SLMAP: variants seen among roughly 807,000 people sequenced by gnomAD.
SLMAP encodes sarcolemmal membrane-associated protein.
Under a neutral mutation model 128.8 loss-of-function variants are expected in SLMAP, and 44 were observed. The ratio of observed to expected loss-of-function variants is 0.34; its 90% CI spans 0.27 to 0.44. SLMAP has a LOEUF of 0.44. Among genes scored for constraint, SLMAP ranks in the 20% least tolerant of loss-of-function variants. The pLI, the probability that SLMAP is intolerant of heterozygous loss-of-function variation, is 1.00. For missense variants in SLMAP, 787 were observed against 985.3 expected, an observed-to-expected ratio of 0.80 and a Z score of 2.69; for synonymous variants, 327 against 348.8, an observed-to-expected ratio of 0.94 and a Z score of 0.70.
At chr3:57,837,974 T>C (rs1007681747) in intron 3 of SLMAP, among the ~76,000 whole-genome samples, 11 of 152,224 alleles carry the variant, frequency 7.2e-5, no homozygotes, top group African/African-American at 2.7e-4. Context: ...TGCCTTCAAC[T>C]GTGCAGCAAC....
chr3:57,923,338 C>G (rs1463042333), intron 23 of SLMAP, among the ~76,000 whole-genome samples: 2 of 152,216 alleles, frequency 1.3e-5, no homozygotes, highest in African/African-American at 2.4e-5. Context: ...TCATCTGGCT[C>G]TTGTTTCTCC....
At chr3:57,771,177 C>CCCTCT (rs1178682749) in intron 2 of SLMAP, among the ~76,000 whole-genome samples, 1,682 of 88,010 alleles carry the variant, frequency 0.019, 47 homozygotes, top group African/African-American at 0.047. Context: ...CCCTCCCCTC[C>CCCTCT]CCTCTCCTCT....
chr3:57,828,320 A>G (rs768973537), intron 2 of SLMAP, among the ~76,000 whole-genome samples: 3 of 152,244 alleles, frequency 2.0e-5, no homozygotes, highest in Non-Finnish European at 4.4e-5. Flanking sequence ...ACTTCTATAC[A>G]TAATGTAGAC....
At chr3:57,786,508 T>C (rs923891590) in intron 2 of SLMAP, among the ~76,000 whole-genome samples, 6 of 151,904 alleles carry the variant, frequency 3.9e-5, no homozygotes, top group Non-Finnish European at 8.8e-5. Context: ...TACATTCTAC[T>C]ACACTCAGCT....
chr3:57,837,407 T>G (rs1044937325), intron 3 of SLMAP, among the ~76,000 whole-genome samples: 14 of 152,178 alleles, frequency 9.2e-5, no homozygotes, highest in African/African-American at 2.4e-5. Flanking sequence ...CTCACTCTGT[T>G]GGCCAGGCTG....
intron 3 of SLMAP, among the ~76,000 whole-genome samples, chr3:57,838,637 G>T (rs969643311): frequency 2.1e-5 from 3 of 140,600 alleles, no homozygotes; most frequent in African/African-American, 7.5e-5. Context: ...GATATAGGAG[G>T]CTCTGGGGAC....
chr3:57,812,825 C>CT (rs899712867), intron 2 of SLMAP, among the ~76,000 whole-genome samples: 20 of 149,928 alleles, frequency 1.3e-4, no homozygotes, highest in African/African-American at 4.2e-4. Flanking sequence ...TAAATTTTTC[C>CT]TTTTTTTTTC....
chr3:57,813,188 C>G (rs551049251), intron 2 of SLMAP, among the ~76,000 whole-genome samples: 2 of 151,660 alleles, frequency 1.3e-5, no homozygotes, highest in African/African-American at 4.8e-5. Flanking sequence ...CTCCACCTCC[C>G]GAGTTCAGGT....
At position 57,844,988 on chromosome 3, in the gene SLMAP, A is replaced by G. The variant is rs1321178065; in HGVS notation, c.420-2209A>G. Among the ~76,000 whole-genome samples, 6 of 152,236 alleles carry G rather than the reference A, an allele frequency of 3.9e-5. No individual in the cohort carries two copies. In the South Asian group the frequency reaches 6.2e-4, roughly 16 times the overall value. ...TAGACATTCTTAAGTTCATTTCACT[A>G]TATGTGCATATCTGCAGAGAAAAGG... On this transcript the variant is annotated intron_variant, in intron 4 of 24. Transcript: ENST00000671191.
At chr3:57,921,623 C>T (rs2096920853) in intron 22 of SLMAP, among the ~76,000 whole-genome samples, 1 of 152,060 alleles carries the variant, frequency 6.6e-6, no homozygotes, top group Non-Finnish European at 1.5e-5. Flanking sequence ...TAGACTCCGT[C>T]TCAAAAAATA....
At chr3:57,833,654 G>A (rs565237624) in intron 3 of SLMAP, among the ~76,000 whole-genome samples, 5 of 152,014 alleles carry the variant, frequency 3.3e-5, no homozygotes, top group African/African-American at 4.8e-5. Flanking sequence ...TCTTGACCTC[G>A]TGATCTGCCC....
intron 22 of SLMAP, among the ~76,000 whole-genome samples, chr3:57,920,746 G>C (rs1382517613): frequency 6.6e-6 from 1 of 152,098 alleles, no homozygotes; most frequent in Admixed American, 6.6e-5. Flanking sequence ...CGGGTGCGGT[G>C]GCTCACACCT....
intron 14 of SLMAP, among the ~76,000 whole-genome samples, chr3:57,876,774 G>A (rs1167000855): frequency 6.6e-6 from 1 of 152,212 alleles, no homozygotes; most frequent in East Asian, 1.9e-4. Context: ...TACGCGTGGT[G>A]GAAAGATGAA....
At chr3:57,861,920 A>G in intron 9 of SLMAP, 29 bp from the exon 10 acceptor site, 1 of 1,587,676 alleles carries the variant, frequency 6.3e-7, no homozygotes, top group South Asian at 1.1e-5. Context: ...ACTTATTCTA[A>G]TTAAATTGCC....
chr3:57,925,276 A>G (rs1193165805), intron 23 of SLMAP, among the ~76,000 whole-genome samples: 2 of 147,996 alleles, frequency 1.4e-5, no homozygotes, highest in Non-Finnish European at 1.5e-5. Flanking sequence ...CATGTGCTAT[A>G]TTTCATTAGA....
rs188065083 is a variant in SLMAP at position 57,853,330 on chromosome 3, T to C, written c.519+3514T>C. Among the ~76,000 whole-genome samples, 352 of 152,346 alleles carry C rather than the reference T, an allele frequency of 2.3e-3. 1 individual carries two copies. The highest frequency in any genetic ancestry group is 7.8e-3 in the African/African-American group (323 of 41,582). ...ACCTATAGCTTATATTAAAATGTAG[T>C]ACCTCTAAGTAGACAAAATTTTCCG... is the stretch of plus-strand genomic sequence containing the variant. On this transcript the variant is annotated intron_variant, in intron 6 of 24. Transcript: ENST00000671191.
At chr3:57,852,539 A>G (rs555702580) in intron 6 of SLMAP, among the ~76,000 whole-genome samples, 2 of 152,354 alleles carry the variant, frequency 1.3e-5, no homozygotes, top group African/African-American at 4.8e-5. Context: ...GAAGAATAAA[A>G]AAATTAATAT....
chr3:57,855,379 AAAAAGAAAAG>A (rs755102938), intron 6 of SLMAP, among the ~76,000 whole-genome samples: 2 of 152,016 alleles, frequency 1.3e-5, no homozygotes, highest in Non-Finnish European at 2.9e-5. Context: ...CTCTGTCTCA[AAAAAGAAAAG>A]AAAAGAAAAG....
chr3:57,860,948 T>C, intron 9 of SLMAP, 109 bp downstream of exon 9: 1 of 882,274 alleles, frequency 1.1e-6, no homozygotes, highest in Non-Finnish European at 1.7e-6. Flanking sequence ...TAGGAAATAC[T>C]TTCTGTCTGT....
Sources: gnomAD v4.1 joint callset for allele counts (sites outside exome capture counted in the v4.1 genomes callset) on GRCh38, gnomAD v4.1.1 for gene constraint, MANE v1.5 for transcripts, NCBI Gene and HGNC (gene_info 2026-07-23, HGNC 2026-07-21) for gene names.